The following RORB variants were observed in gnomAD, a reference collection of about 807,000 sequenced individuals.
RORB encodes nuclear receptor ROR-beta.
In RORB, 6 loss-of-function variants were observed where a neutral mutation model predicts 59.1. The observed-to-expected ratio is 0.10, with a 90% CI of 0.06 to 0.20. The LOEUF is 0.20. Ranked by LOEUF, RORB falls within the 10% of genes least tolerant of loss-of-function variation. The pLI, the probability that RORB is intolerant of heterozygous loss-of-function variation, is 1.00. For synonymous variants in RORB, 215 were observed against 204.5 expected (o/e 1.05, Z -0.44); for missense variants, 320 against 560.5 (o/e 0.57, Z 4.33).
intron 1 of RORB, among the ~76,000 whole-genome samples, chr9:74,532,646 C>T (rs1313438523): frequency 6.6e-6 from 1 of 150,892 alleles, no homozygotes; most frequent in African/African-American, 2.4e-5. Context: ...TGATGAATTC[C>T]ATATATGTGT....
intron 1 of RORB, among the ~76,000 whole-genome samples, chr9:74,604,536 C>T (rs1341013280): frequency 1.3e-5 from 2 of 152,304 alleles, no homozygotes; most frequent in Admixed American, 6.5e-5. Context: ...AATGTTCCTA[C>T]TCATCTGAAA....
intron 1 of RORB, among the ~76,000 whole-genome samples, chr9:74,598,153 C>G (rs1234397176): frequency 6.6e-6 from 1 of 152,086 alleles, no homozygotes; most frequent in African/African-American, 2.4e-5. Context: ...AACTCGAACT[C>G]ACTCTCTTGG....
chr9:74,559,722 C>G lies in RORB; in HGVS notation c.7+61739C>G, dbSNP rs1822365583. Among the ~76,000 whole-genome samples the G allele has an allele frequency of 2.0e-5, 3 of 152,180 alleles. No individual in the cohort carries two copies. The South Asian group carries it at 6.2e-4, about 32-fold the overall frequency. On this transcript the variant is annotated intron_variant, in intron 1 of 9. Coordinates refer to ENST00000376896, the MANE Select transcript of RORB (RefSeq NM_006914.4). ...TATTCTGGTTTTCTATGACATTTTC[C>G]TACCAAAGAGATGAATGCACCTTGA...
At chr9:74,685,332 C>CTTCT in intron 9 of RORB, 131 bp from the exon 10 acceptor site, 2 of 737,448 alleles carry the variant, frequency 2.7e-6, no homozygotes, top group East Asian at 5.5e-5. Context: ...GAAAGTGCGC[C>CTTCT]TTCTTTCTTT....
intron 1 of RORB, among the ~76,000 whole-genome samples, chr9:74,528,616 A>C (rs1826190594): frequency 6.6e-6 from 1 of 152,058 alleles, no homozygotes; most frequent in South Asian, 2.1e-4. Flanking sequence ...TTTCAATACC[A>C]TTTAGGCACA....
rs759475716 is a variant in RORB at position 74,685,641 on chromosome 9, T to C, written c.*23T>C. 2 of 1,546,698 alleles carry C rather than the reference T, an allele frequency of 1.3e-6. No individual in the cohort carries two copies. Among genetic ancestry groups the C allele is most frequent in the African/African-American group, 1.4e-5 (1 of 73,500 alleles). ...TGAAGGGGACAAGAGAACTGTCTCA[T>C]AGTCATGGAATGCATCACCATTAAG... is the stretch of plus-strand genomic sequence containing the variant. On this transcript the variant is annotated 3_prime_UTR_variant, in exon 10 of 10. Coordinates refer to ENST00000376896, the MANE Select transcript of RORB (RefSeq NM_006914.4).
intron 1 of RORB, among the ~76,000 whole-genome samples, chr9:74,628,647 A>G (rs1030653648): frequency 6.6e-6 from 1 of 152,236 alleles, no homozygotes; most frequent in East Asian, 1.9e-4. Context: ...AAAGAGGGCA[A>G]TGTCTTGCAT....
At chr9:74,577,265 C>G (rs1231712093) in intron 1 of RORB, among the ~76,000 whole-genome samples, 2 of 152,024 alleles carry the variant, frequency 1.3e-5, no homozygotes, top group Non-Finnish European at 2.9e-5. Context: ...CAAAATCGTT[C>G]TGTAAAAGAG....
At chr9:74,501,635 AATAT>A (rs1431624824) in intron 1 of RORB, among the ~76,000 whole-genome samples, 1 of 152,230 alleles carries the variant, frequency 6.6e-6, no homozygotes, top group Non-Finnish European at 1.5e-5. Flanking sequence ...TTGTTGAAAT[AATAT>A]ATAGCCATAA....
chr9:74,567,035 T>C (rs1163565189), intron 1 of RORB, among the ~76,000 whole-genome samples: 4 of 151,900 alleles, frequency 2.6e-5, no homozygotes, highest in Non-Finnish European at 5.9e-5. Context: ...CCCCACCCTT[T>C]TTTTTTTTCT....
chr9:74,601,956 T>C (rs939216210), intron 1 of RORB, among the ~76,000 whole-genome samples: 7 of 152,192 alleles, frequency 4.6e-5, no homozygotes, highest in Non-Finnish European at 1.0e-4. Flanking sequence ...AAAGCAAAAG[T>C]AGACCTTGAA....
intron 1 of RORB, among the ~76,000 whole-genome samples, chr9:74,607,897 G>T (rs1027580416): frequency 1.3e-5 from 2 of 152,116 alleles, no homozygotes; most frequent in African/African-American, 4.8e-5. Flanking sequence ...TTTTAGCAAG[G>T]TTTCTAGGCA....
At chr9:74,525,869 A>G (rs1187266885) in intron 1 of RORB, among the ~76,000 whole-genome samples, 2 of 151,996 alleles carry the variant, frequency 1.3e-5, no homozygotes, top group African/African-American at 4.8e-5. Context: ...ACGCTGAGAG[A>G]CATTGAGAAA....
intron 4 of RORB, among the ~76,000 whole-genome samples, chr9:74,652,712 TG>T (rs1473141117): frequency 6.6e-6 from 1 of 152,182 alleles, no homozygotes; most frequent in East Asian, 1.9e-4. Context: ...TTCGCTGATA[TG>T]TCAGTTGGCA....
intron 1 of RORB, among the ~76,000 whole-genome samples, chr9:74,525,143 T>C (rs985716998): frequency 6.6e-6 from 1 of 151,958 alleles, no homozygotes; most frequent in Non-Finnish European, 1.5e-5. Flanking sequence ...ATTAGACTCT[T>C]GATTTTCAAA....
At chr9:74,685,289 C>T (rs1251625726) in intron 9 of RORB, among the ~76,000 whole-genome samples, 174 bp from the exon 10 acceptor site, 1 of 151,320 alleles carries the variant, frequency 6.6e-6, no homozygotes, top group Non-Finnish European at 1.5e-5. Flanking sequence ...GGGGTGGGTA[C>T]GTTTTATTTT....
chr9:74,640,887 G>A (rs546034687), intron 3 of RORB, among the ~76,000 whole-genome samples: 50 of 152,242 alleles, frequency 3.3e-4, no homozygotes, highest in Non-Finnish European at 6.0e-4. Flanking sequence ...GGAGGAGGAG[G>A]GTGAATGGCA....
In RORB at chr9:74,688,718, T is replaced by G. The variant is rs765928510; in HGVS notation, c.*3100T>G. 5.9e-5 allele frequency: 9 copies of G among 152,204 alleles called. No individual in the cohort carries two copies. Among genetic ancestry groups the G allele is most frequent in the Middle Eastern group, 6.3e-3 (2 of 316 alleles). 9.4% of individuals were successfully genotyped at this position (152,204 alleles called of 1,614,324 possible). A position where few individuals can be genotyped will look rare whatever the true frequency, so the allele number is the denominator to read the frequency against. ...GGCTTTCAGACCAACAAGCAGTAAC[T>G]TCATGTCATAAACTAGATTGACTTA... is the stretch of plus-strand genomic sequence containing the variant. On this transcript the variant is annotated 3_prime_UTR_variant, in exon 10 of 10. Transcript: ENST00000376896.
intron 1 of RORB, among the ~76,000 whole-genome samples, chr9:74,583,382 C>T (rs886108492): frequency 2.0e-5 from 3 of 152,054 alleles, no homozygotes; most frequent in African/African-American, 7.2e-5. Context: ...CATGGTAATT[C>T]TGCAAAACAG....
Sources: gnomAD v4.1 joint callset for allele counts (sites outside exome capture counted in the v4.1 genomes callset) on GRCh38, gnomAD v4.1.1 for gene constraint, MANE v1.5 for transcripts, NCBI Gene and HGNC (gene_info 2026-07-23, HGNC 2026-07-21) for gene names.